The following CEACAM19 variants were observed in gnomAD, a reference collection of about 807,000 sequenced individuals.
The protein encoded by CEACAM19 is cell adhesion molecule CEACAM19.
CEACAM19 carries 37 observed loss-of-function variants against 37.6 expected under a neutral mutation model. The ratio of observed to expected loss-of-function variants is 0.98; its 90% CI spans 0.76 to 1.29. The LOEUF is 1.29. Among genes scored for constraint, CEACAM19 ranks in the 50% most tolerant of loss-of-function variants. CEACAM19 has a pLI of 0.00. For missense variants in CEACAM19, 340 were observed against 375.6 expected, an observed-to-expected ratio of 0.91 and a Z score of 0.78; for synonymous variants, 140 against 149.8, an observed-to-expected ratio of 0.93 and a Z score of 0.48.
intron 7 of CEACAM19, chr19:44,683,087 T>C (rs998877984): frequency 3.9e-6 from 1 of 257,374 alleles, no homozygotes; most frequent in African/African-American, 2.3e-5. Context: ...TCTCTCTCAG[T>C]TTCTCTTGCT....
At chr19:44,677,300 A>C (rs1379991702) in intron 3 of CEACAM19, among the ~76,000 whole-genome samples, 2 of 152,188 alleles carry the variant, frequency 1.3e-5, no homozygotes, top group Admixed American at 6.6e-5. Context: ...ACTGGGCTAG[A>C]TCCAACTCCG....
Position 44,675,097 on chromosome 19 carries a change from C to T in CEACAM19, c.425-1174C>T, listed in dbSNP as rs922769013. Among the ~76,000 whole-genome samples, 952 of 143,902 alleles carry T rather than the reference C, an allele frequency of 6.6e-3. 5 individuals carry two copies. The highest frequency in any genetic ancestry group is 0.011 in the Non-Finnish European group (699 of 66,012). The allele number at this position is 143,902 out of a possible 152,430, so 94.4% of individuals were successfully genotyped here. On this transcript the variant is annotated intron_variant, in intron 2 of 7. Transcript: ENST00000358777. ...CTTTGTTGGATCATTCAGAGAACAG[C>T]GTGTGTGTGTGTGTGTGTGTGTGTG...
At chr19:44,668,348 A>T (rs1419278035), upstream of CEACAM19, among the ~76,000 whole-genome samples, 37 of 10,136 alleles carry the variant, frequency 3.7e-3, 3 homozygotes, top group African/African-American at 6.1e-3. Context: ...TAATATATAT[A>T]ATATATTTAT....
upstream of CEACAM19, among the ~76,000 whole-genome samples, chr19:44,668,062 A>G (rs1356765794): frequency 2.3e-5 from 2 of 85,546 alleles, no homozygotes; most frequent in African/African-American, 9.9e-5. Flanking sequence ...ATATATAAAT[A>G]TATAATATAT....
intron 6 of CEACAM19, 48 bp from the exon 7 acceptor site, chr19:44,682,519 A>AG (rs1974078826): frequency 6.5e-7 from 1 of 1,543,306 alleles, no homozygotes; most frequent in African/African-American, 1.4e-5. Flanking sequence ...CAAAGTTTAG[A>AG]GGGTGGGGGG....
intron 4 of CEACAM19, 56 bp from the exon 5 acceptor site, chr19:44,680,232 T>TC: frequency 2.1e-6 from 3 of 1,438,278 alleles, no homozygotes; most frequent in East Asian, 2.3e-5. Flanking sequence ...TAAGTCTCTC[T>TC]CCCCCCGCCT....
intron 1 of CEACAM19, chr19:44,666,100 TTATTC>T (rs2123779571): frequency 6.6e-6 from 1 of 152,330 alleles, no homozygotes; most frequent in African/African-American, 2.4e-5. Flanking sequence ...TGTTTGAATT[TTATTC>T]TAAGTACTGT....
chr19:44,683,196 C>T, intron 7 of CEACAM19: 1 of 425,416 alleles, frequency 2.4e-6, no homozygotes, highest in Non-Finnish European at 4.2e-6. Flanking sequence ...ATCTCTGTCT[C>T]TCTCTCTCTC....
At chr19:44,666,610 C>T (rs1388886925), upstream of CEACAM19, among the ~76,000 whole-genome samples, 1 of 152,120 alleles carries the variant, frequency 6.6e-6, no homozygotes, top group Non-Finnish European at 1.5e-5. Context: ...GTGGAGGTTG[C>T]AGTGAGCTGA....
At chr19:44,683,122 G>T (rs1286457886) in intron 7 of CEACAM19, 6 of 303,344 alleles carry the variant, frequency 2.0e-5, no homozygotes, top group Non-Finnish European at 3.6e-5. Context: ...CTGTCTTTCT[G>T]TTTCCAGTTT....
intron 2 of CEACAM19, among the ~76,000 whole-genome samples, chr19:44,675,976 G>C (rs1303089812): frequency 6.6e-6 from 1 of 151,638 alleles, no homozygotes; most frequent in African/African-American, 2.4e-5. Flanking sequence ...TCACTATGTT[G>C]CCCAGGCTGG....
At chr19:44,670,664 C>T (rs138079900), upstream of CEACAM19, among the ~76,000 whole-genome samples, 22 of 149,956 alleles carry the variant, frequency 1.5e-4, no homozygotes, top group East Asian at 4.4e-3. Flanking sequence ...GACACAGCAT[C>T]TAAAAAAGAA....
upstream of CEACAM19, among the ~76,000 whole-genome samples, chr19:44,670,964 G>A (rs959179555): frequency 2.6e-5 from 4 of 151,834 alleles, no homozygotes; most frequent in Non-Finnish European, 4.4e-5. Context: ...GCGTGGTGGC[G>A]CATGCCTGCA....
rs2289494 is a variant in CEACAM19, at chr19:44,683,693, G to A, written c.*203G>A. 46 of 414,104 alleles carry A rather than the reference G, an allele frequency of 1.1e-4. No individual in the cohort carries two copies. Among genetic ancestry groups the A allele is most frequent in the Non-Finnish European group, 1.8e-4 (41 of 233,488 alleles). 25.7% of individuals were successfully genotyped at this position (414,104 alleles called of 1,614,324 possible). A position where few individuals can be genotyped will look rare whatever the true frequency, so the allele number is the denominator to read the frequency against. ...ACAGGCCCAGGTCCTTGTGCAGCCC[G>A]TGAATGCACGCCCGCCTTCGGTCTG... On this transcript the variant is annotated 3_prime_UTR_variant, in exon 8 of 8. Transcript: ENST00000358777.
chr19:44,669,668 A>T (rs1973823733), upstream of CEACAM19, among the ~76,000 whole-genome samples: 1 of 151,916 alleles, frequency 6.6e-6, no homozygotes, highest in Non-Finnish European at 1.5e-5. Flanking sequence ...ATTGCTATTT[A>T]TGCTGCCTGG....
At chr19:44,674,374 T>C (rs914047699) in intron 2 of CEACAM19, among the ~76,000 whole-genome samples, 3 of 152,112 alleles carry the variant, frequency 2.0e-5, no homozygotes, top group Admixed American at 6.5e-5. Context: ...TTACTGATAT[T>C]GCTCAGGCTG....
In CEACAM19 at chr19:44,680,302, A is replaced by G; in HGVS notation, c.674A>G (p.Glu225Gly). Residue 225 changes from glutamate (E) to glycine (G), a missense_variant, in exon 5 of 8, where the codon GAG becomes GGG. Transcript: ENST00000358777. ...VTPSTWMATT[E>G]KPELGPAHDA... ...TGTGTCCCCAGGATGGCGACCACAGAGAAGCCAGAATTGGGCCCTGCTCAT... is the reference window on the plus strand; with the variant it reads ...TGTGTCCCCAGGATGGCGACCACAGGGAAGCCAGAATTGGGCCCTGCTCAT... 1 of 1,610,476 alleles carries G rather than the reference A, an allele frequency of 6.2e-7. No individual in the cohort carries two copies. The highest frequency in any genetic ancestry group is 8.5e-7 in the Non-Finnish European group (1 of 1,179,506).
upstream of CEACAM19, among the ~76,000 whole-genome samples, chr19:44,670,517 A>G (rs779056894): frequency 6.7e-6 from 1 of 149,890 alleles, no homozygotes; most frequent in Non-Finnish European, 1.5e-5. Flanking sequence ...TCTACTAAAA[A>G]TACAAAAATT....
At chr19:44,668,531 A>G (rs1267892814), upstream of CEACAM19, among the ~76,000 whole-genome samples, 1 of 39,708 alleles carries the variant, frequency 2.5e-5, no homozygotes, top group African/African-American at 1.1e-4. Flanking sequence ...ATAAATATAT[A>G]ATATATGTAT....
Sources: allele counts gnomAD v4.1 joint callset (sites outside exome capture counted in the v4.1 genomes callset), GRCh38; gene constraint gnomAD v4.1.1; transcripts MANE v1.5; gene names NCBI Gene and HGNC (gene_info 2026-07-23, HGNC 2026-07-21).